Variants in SRPX observed in about 807,000 individuals in gnomAD.
The protein encoded by SRPX is sushi repeat containing protein X-linked.
Under a neutral mutation model 38.1 loss-of-function variants are expected in SRPX, and 24 were observed. The ratio of observed to expected loss-of-function variants is 0.63; its 90% confidence interval spans 0.46 to 0.89. The LOEUF is 0.89. SRPX is among the 40% of genes least tolerant of loss of function. The pLI, the probability that SRPX is intolerant of heterozygous loss-of-function variation, is 0.00. For missense variants in SRPX, 416 were observed against 377.8 expected (o/e 1.10, Z -0.84); for synonymous variants, 184 against 153.8 (o/e 1.20, Z -1.45).
chrX:38,174,301 T>C lies in SRPX; in HGVS notation c.208A>G (p.Arg70Gly). Residue 70 changes from arginine (R) to glycine (G), a missense_variant, in exon 3 of 10, where the codon AGG becomes GGG. Coordinates refer to ENST00000378533, the MANE Select transcript of SRPX (RefSeq NM_006307.5). The part of the protein sequence containing the change: ...IKVKYGDVYC[R>G]APQGGYYKTA... ...TTGTAGTATCCTCCTTGAGGGGCCC[T>C]GCAGTACACATCCCCATACTTCACC... The C allele has an allele frequency of 1.8e-6, 2 of 1,115,720 alleles. No individual in the cohort carries two copies. Among genetic ancestry groups the C allele is most frequent in the Non-Finnish European group, 1.2e-6 (1 of 847,948 alleles). 91.9% of individuals were successfully genotyped at this position (1,115,720 alleles called of 1,213,427 possible).
intron 3 of SRPX, 100 bp from the exon 4 acceptor site, chrX:38,172,157 A>T: frequency 1.0e-6 from 1 of 954,683 alleles, no homozygotes; most frequent in East Asian, 3.2e-5. Context: ...TGAAAAGTTA[A>T]TTTAAATATA....
intron 5 of SRPX, among the ~76,000 whole-genome samples, chrX:38,162,243 G>C (rs1027422604): frequency 2.7e-5 from 3 of 112,268 alleles, no homozygotes; most frequent in Admixed American, 9.4e-5. Context: ...TTGTCTCAGA[G>C]CTTGACACTA....
rs373963425 is a variant in SRPX at position 38,159,352 on chromosome X, A to T, written c.955+665T>A. 5.3e-5 allele frequency among the ~76,000 whole-genome samples: 6 copies of T among 112,753 alleles called. No individual in the cohort carries two copies. In the East Asian group the frequency reaches 1.7e-3, roughly 31 times the overall value. ...CTTCAATTAAAAGAAAGTGATAAAG[A>T]TGAAAGGGTGCCAGGAAATGAGAAA... is the stretch of plus-strand genomic sequence containing the variant. On this transcript the variant is annotated intron_variant, in intron 7 of 9. Coordinates refer to ENST00000378533, the MANE Select transcript of SRPX (RefSeq NM_006307.5).
At chrX:38,172,166 T>A in intron 3 of SRPX, 109 bp from the exon 4 acceptor site, 1 of 890,515 alleles carries the variant, frequency 1.1e-6, no homozygotes, top group Non-Finnish European at 1.6e-6. Flanking sequence ...AATTTAAATA[T>A]AAGAAGGCCA....
At chrX:38,160,614 C>G (rs1376339506) in intron 6 of SRPX, among the ~76,000 whole-genome samples, 1 of 111,822 alleles carries the variant, frequency 8.9e-6, no homozygotes, top group Admixed American at 9.5e-5. Context: ...GATGGACTCA[C>G]AGGCTTCAGC....
intron 9 of SRPX, among the ~76,000 whole-genome samples, chrX:38,153,302 C>CTTTTTTTTTTTTTTT (rs58888978): frequency 1.6e-4 from 9 of 54,729 alleles, no homozygotes; most frequent in Admixed American, 2.6e-4. Context: ...TTCTTTCTTT[C>CTTTTTTTTTTTTTTT]TTTTTTTTTT....
chrX:38,160,836 C>G, intron 6 of SRPX, 97 bp downstream of exon 6: 3 of 1,060,110 alleles, frequency 2.8e-6, no homozygotes, highest in Non-Finnish European at 3.8e-6. Flanking sequence ...AAGTCTCCCA[C>G]CACAGTAGGC....
intron 1 of SRPX, among the ~76,000 whole-genome samples, chrX:38,189,248 C>T (rs1027929721): frequency 8.9e-6 from 1 of 111,832 alleles, no homozygotes; most frequent in Non-Finnish European, 1.9e-5. Context: ...AATTATGTTA[C>T]CCTAGAACAC....
intron 1 of SRPX, among the ~76,000 whole-genome samples, chrX:38,193,194 A>G (rs2147112321): frequency 9.0e-6 from 1 of 111,680 alleles, no homozygotes; most frequent in Admixed American, 9.5e-5. Context: ...ATTTAATTCA[A>G]TCAAGGTACT....
In SRPX at chrX:38,176,997, C is replaced by T. The variant is rs1302819193; in HGVS notation, c.157+1288G>A. Among the ~76,000 whole-genome samples the T allele has an allele frequency of 2.7e-5, 3 of 110,539 alleles. No homozygotes were observed. The Admixed American group carries it at 2.9e-4, about 11-fold the overall frequency. ...CACACATTTTGGCCATCTGGTCTAC[C>T]TGTCACATTTGCAATGCTGTGAGGT... On this transcript the variant is annotated intron_variant, in intron 2 of 9. Transcript: ENST00000378533.
intron 1 of SRPX, among the ~76,000 whole-genome samples, chrX:38,188,929 C>T (rs1938841178): frequency 8.9e-6 from 1 of 111,841 alleles, no homozygotes; most frequent in Non-Finnish European, 1.9e-5. Flanking sequence ...TAAGTTAATT[C>T]GGTTTCCTCC....
intron 1 of SRPX, among the ~76,000 whole-genome samples, chrX:38,182,270 C>A (rs1321563909): frequency 1.8e-5 from 2 of 112,222 alleles, no homozygotes; most frequent in East Asian, 5.6e-4. Context: ...ATTCTTTTTT[C>A]ACTAGGCCTT....
intron 4 of SRPX, among the ~76,000 whole-genome samples, chrX:38,168,283 A>G (rs1373608836): frequency 8.9e-6 from 1 of 112,056 alleles, no homozygotes; most frequent in Non-Finnish European, 1.9e-5. Context: ...TGCCATCTAA[A>G]GAAGTCCAAT....
chrX:38,174,160 G>A lies in SRPX; in HGVS notation c.349C>T (p.Gln117Ter), dbSNP rs1194904530. The change falls in exon 3 of 10, where the codon CAA becomes TAA. Residue 117 changes from glutamine to a stop codon, truncating the protein, a stop_gained and splice_region_variant. Coordinates refer to ENST00000378533, the MANE Select transcript of SRPX (RefSeq NM_006307.5). LOFTEE classifies it high-confidence loss of function. ...KRWSDKVICK[Q>*]KRCPTLAMPA... is the part of the protein sequence containing the mutation. ...CCCAACACAGAGCTGGCCTACTCAC[G>A]TTTGCAGATGACCTTGTCAGACCAT... 1 of 1,081,371 alleles carries A rather than the reference G, an allele frequency of 9.2e-7. No homozygotes were observed. The highest frequency in any genetic ancestry group is 1.2e-6 in the Non-Finnish European group (1 of 828,898). The allele number at this position is 1,081,371 out of a possible 1,213,427, so 89.1% of individuals were successfully genotyped here.
chrX:38,179,063 C>T (rs1470763969), intron 1 of SRPX, among the ~76,000 whole-genome samples: 4 of 108,421 alleles, frequency 3.7e-5, no homozygotes, highest in East Asian at 5.8e-4. Flanking sequence ...TCTCCTGCCT[C>T]GGCCTCCTGA....
At chrX:38,167,284 C>T (rs1273963060) in intron 4 of SRPX, among the ~76,000 whole-genome samples, 1 of 111,751 alleles carries the variant, frequency 8.9e-6, no homozygotes, top group Non-Finnish European at 1.9e-5. Context: ...CTGCCTGCTG[C>T]TGACCTAGTG....
At chrX:38,180,046 A>G (rs766028811) in intron 1 of SRPX, among the ~76,000 whole-genome samples, 1 of 111,785 alleles carries the variant, frequency 8.9e-6, no homozygotes, top group Non-Finnish European at 1.9e-5. Context: ...ACTTCTAGGA[A>G]TCTACCCAAG....
At chrX:38,180,529 C>T (rs994251486) in intron 1 of SRPX, among the ~76,000 whole-genome samples, 2 of 112,079 alleles carry the variant, frequency 1.8e-5, no homozygotes, top group African/African-American at 6.5e-5. Context: ...AAGAGCCAAG[C>T]TAGAATCTTC....
chrX:38,182,283 T>A (rs964734884), intron 1 of SRPX, among the ~76,000 whole-genome samples: 2 of 112,332 alleles, frequency 1.8e-5, no homozygotes, highest in African/African-American at 6.5e-5. Flanking sequence ...TAGGCCTTAC[T>A]GCCTTCTGCG....
Sources: gnomAD v4.1 joint callset for allele counts (sites outside exome capture counted in the v4.1 genomes callset) on GRCh38, gnomAD v4.1.1 for gene constraint, MANE v1.5 for transcripts, NCBI Gene and HGNC (gene_info 2026-07-23, HGNC 2026-07-21) for gene names.